Variants in SRRM2 observed in about 807,000 individuals in gnomAD.
SRRM2 encodes the protein serine/arginine repetitive matrix protein 2.
Under a neutral mutation model 213.8 loss-of-function variants are expected in SRRM2, and 30 were observed. The observed-to-expected ratio is 0.14, with a 90% CI of 0.10 to 0.19. The LOEUF (loss-of-function observed/expected upper bound fraction) is 0.19, where lower values mean the gene tolerates loss of function less well. SRRM2 is among the 10% of genes least tolerant of loss of function. The pLI, the probability that SRRM2 is intolerant of heterozygous loss-of-function variation, is 1.00. For synonymous variants in SRRM2, 2,025 were observed against 1,377.7 expected, an observed-to-expected ratio of 1.47 and a Z score of -10.40; for missense variants, 4,904 against 3,647.0, an observed-to-expected ratio of 1.34 and a Z score of -8.88.
chr16:2,762,585 C>A lies in SRRM2; in HGVS notation c.2057C>A (p.Pro686Gln), dbSNP rs1305811034. The A allele has an allele frequency of 6.2e-7, 1 of 1,614,158 alleles. No individual in the cohort carries two copies. Among genetic ancestry groups the A allele is most frequent in the Non-Finnish European group, 8.5e-7 (1 of 1,180,046 alleles). The part of the protein sequence containing the change: ...RRSGRSRSRT[P>Q]ARRGRSRSRT... ...AGTGGTCGCTCACGCTCCAGAACAC[C>A]AGCCAGGAGAGGGAGGTCTCGGTCT... The change falls in exon 11 of 15, where the codon CCA becomes CAA. Residue 686 changes from proline to glutamine, a missense_variant. Pro to Gln is a moderately conservative substitution (Grantham distance 76). Coordinates refer to ENST00000301740, the MANE Select transcript of SRRM2 (RefSeq NM_016333.4).
Position 2,757,694 on chromosome 16 carries a change from C to T in SRRM2, c.351-87C>T. ...CCTGCTTTCGTCTGCCTTTCCCATG[C>T]CTTATTTGGCTCCTGCTTATACTTG... On this transcript the variant is annotated intron_variant, in intron 3 of 14. Coordinates refer to ENST00000301740, the MANE Select transcript of SRRM2 (RefSeq NM_016333.4). 16 of 1,583,424 alleles carry T rather than the reference C, an allele frequency of 1.0e-5. No individual in the cohort carries two copies. The South Asian group carries it at 1.7e-4, about 17-fold the overall frequency.
chr16:2,766,975 G>T lies in SRRM2; in HGVS notation c.6447G>T (p.Leu2149=). The change falls in exon 11 of 15, where the codon CTG becomes CTT. Residue 2149 remains leucine (L), a synonymous_variant. Transcript: ENST00000301740. The surrounding 1 kb of genome is among the most constrained non-coding windows in gnomAD (Gnocchi z 7.0). ...LGSSRTPMSV[L]QQAGGSMMDG... is the part of the protein sequence containing the mutation. The stretch of plus-strand genomic sequence containing the variant: ...GCTCTAGAACACCCATGTCTGTCCT[G>T]CAGCAAGCCGGCGGCTCCATGATGG... 6.2e-7 allele frequency: 1 copy of T among 1,614,108 alleles called. No homozygotes were observed. The highest frequency in any genetic ancestry group is 8.5e-7 in the Non-Finnish European group (1 of 1,180,022).
chr16:2,765,021 G>A lies in SRRM2; in HGVS notation c.4493G>A (p.Arg1498His), dbSNP rs151214324. Residue 1498 changes from arginine to histidine, a missense_variant, in exon 11 of 15, where the codon CGT (arginine) becomes CAT (histidine). Arg to His is a conservative substitution (Grantham distance 29). Coordinates refer to ENST00000301740, the MANE Select transcript of SRRM2 (RefSeq NM_016333.4). ...CCTCAGACTCCTAGGCCGAGGAGTC[G>A]TTCTCCATCATCCCCAGAGCTCAAC... ...ALPQTPRPRS[R>H]SPSSPELNNK... is the part of the protein sequence containing the mutation. The A allele has an allele frequency of 1.8e-5, 29 of 1,613,800 alleles. No homozygotes were observed. Among genetic ancestry groups the A allele is most frequent in the African/African-American group, 2.7e-5 (2 of 74,884 alleles).
At position 2,768,135 on chromosome 16, in the gene SRRM2, C is replaced by T. The variant is rs150162425; in HGVS notation, c.7607C>T (p.Ser2536Leu). Residue 2536 changes from serine (S) to leucine (L), a missense_variant, in exon 11 of 15, where the codon TCG becomes TTG. Transcript: ENST00000301740. ...PAKERRSSSS[S>L]SSSSSSSSSS... ...AAGGAGCGGCGGAGTTCCTCCTCGT[C>T]GTCGTCGTCCTCTAGCTCCTCCTCT... 16 of 1,613,584 alleles carry T rather than the reference C, an allele frequency of 9.9e-6. No individual in the cohort carries two copies. The highest frequency in any genetic ancestry group is 1.4e-5 in the Non-Finnish European group (16 of 1,179,700).
In SRRM2 at chr16:2,770,140, A is replaced by G. The variant is rs766549094; in HGVS notation, c.8022-212A>G. 2.1e-4 allele frequency: 293 copies of G among 1,427,796 alleles called. 1 individual carries two copies. Among genetic ancestry groups the G allele is most frequent in the South Asian group, 8.3e-4 (55 of 66,034 alleles). 88.4% of individuals were successfully genotyped at this position (1,427,796 alleles called of 1,614,324 possible). ...TCCTTCAAGGGCAGGGACTGTCTTT[A>G]TCTTTGCATCCCCCGCTGCACCCTG... On this transcript the variant is annotated intron_variant, in intron 12 of 14. Coordinates refer to ENST00000301740, the MANE Select transcript of SRRM2 (RefSeq NM_016333.4).
chr16:2,759,164 T>A lies in SRRM2; in HGVS notation c.681T>A (p.Arg227=), dbSNP rs773484091. Residue 227 remains arginine (R), a synonymous_variant, in exon 7 of 15, where the codon CGT becomes CGA. Transcript: ENST00000301740. ...GGTCAGAATCTGAGTCCAAGAAACGTAAGCATAGGTAAGAGCTCTTTAACT... is the reference window on the plus strand; with the variant it reads ...GGTCAGAATCTGAGTCCAAGAAACGAAAGCATAGGTAAGAGCTCTTTAACT... ...KHRSESESKK[R]KHRSPTPKSK... 47 of 1,614,038 alleles carry A rather than the reference T, an allele frequency of 2.9e-5. 1 individual carries two copies. The Admixed American group carries it at 7.5e-4, about 26-fold the overall frequency.
In SRRM2 at chr16:2,765,831, G is replaced by A. The variant is rs766654668; in HGVS notation, c.5303G>A (p.Arg1768His). Residue 1768 changes from arginine (R) to histidine (H), a missense_variant, in exon 11 of 15, where the codon CGT becomes CAT. Transcript: ENST00000301740. ...GGCCGCTCTCCTTCGCCAAAGCCTC[G>A]TGGACTCCAGAGGTCCCGTTCCCGC... The part of the protein sequence containing the change: ...RRGRSPSPKP[R>H]GLQRSRSRSR... The A allele has an allele frequency of 2.4e-5, 39 of 1,614,068 alleles. No individual in the cohort carries two copies. The Admixed American group carries it at 3.2e-4, about 13-fold the overall frequency.
rs766542259 is a variant in SRRM2, at chr16:2,762,360, G to A, written c.1832G>A (p.Arg611Gln). 8.1e-6 allele frequency: 13 copies of A among 1,611,988 alleles called. No homozygotes were observed. The highest frequency in any genetic ancestry group is 1.6e-4 in the Middle Eastern group (1 of 6,084). Reference sequence around the variant, plus strand: ...AGGTCTCGGTCTAGAACACCAGCCCGGAGGGGCAGGTCTCGGTCTAGAACA... The same window carrying A: ...AGGTCTCGGTCTAGAACACCAGCCCAGAGGGGCAGGTCTCGGTCTAGAACA... ...RRRSRSRTPA[R>Q]RGRSRSRTPA... Residue 611 changes from arginine to glutamine, a missense_variant, in exon 11 of 15, where the codon CGG becomes CAG. By Grantham distance (43) the Arg-to-Gln change is conservative (BLOSUM62 1). Transcript: ENST00000301740.
intron 1 of SRRM2, among the ~76,000 whole-genome samples, chr16:2,754,680 T>G (rs1003007846): frequency 1.3e-5 from 2 of 152,014 alleles, no homozygotes; most frequent in Non-Finnish European, 2.9e-5. Flanking sequence ...TAAGTGCAGG[T>G]CAAAAACATG....
chr16:2,760,701 A>G (rs147535681), intron 10 of SRRM2: 5 of 590,576 alleles, frequency 8.5e-6, no homozygotes, highest in South Asian at 2.1e-5. Context: ...TTTAGAATCA[A>G]ATCTCACTGG....
At chr16:2,757,664 TC>T in intron 3 of SRRM2, 85 bp downstream of exon 3, 1 of 1,579,646 alleles carries the variant, frequency 6.3e-7, no homozygotes, top group Non-Finnish European at 8.6e-7. Context: ...ACGTGGGACT[TC>T]CTCCCTGCTT....
At chr16:2,758,091 A>C (rs961390867) in intron 4 of SRRM2, 146 bp downstream of exon 4, 2 of 975,714 alleles carry the variant, frequency 2.0e-6, no homozygotes, top group Non-Finnish European at 1.5e-6. Context: ...AATGTGTCCA[A>C]GGGTTAGTCA....
rs763904748 is a variant in SRRM2 at position 2,766,471 on chromosome 16, A to G, written c.5943A>G (p.Arg1981=). The G allele has an allele frequency of 7.4e-6, 12 of 1,613,992 alleles. No individual in the cohort carries two copies. Among genetic ancestry groups the G allele is most frequent in the Non-Finnish European group, 8.5e-6 (10 of 1,179,932 alleles). ...GAACTTCGCCTATCACTCGCAGAAGATCAAGATCCAGAACATCTCCGGTCA... is the reference window on the plus strand; with the variant it reads ...GAACTTCGCCTATCACTCGCAGAAGGTCAAGATCCAGAACATCTCCGGTCA... The part of the protein sequence containing the change: ...RSRTSPITRR[R]SRSRTSPVTR... The change falls in exon 11 of 15, where the codon AGA becomes AGG. Residue 1981 remains arginine, a synonymous_variant. Coordinates refer to ENST00000301740, the MANE Select transcript of SRRM2 (RefSeq NM_016333.4). This position sits in a 1 kb window ranked among gnomAD's most constrained non-coding sequence, Gnocchi z 7.0.
Position 2,764,773 on chromosome 16 carries a change from G to A in SRRM2, c.4245G>A (p.Ser1415=), listed in dbSNP as rs145082336. The change falls in exon 11 of 15, where the codon TCG becomes TCA. Residue 1415 remains serine, a synonymous_variant. Coordinates refer to ENST00000301740, the MANE Select transcript of SRRM2 (RefSeq NM_016333.4). Reference sequence around the variant, plus strand: ...TTGATGCTGTACCCAGAACACCCTCGAGAGAAAGAAGTAGTTCTGCATCTT... The same window carrying A: ...TTGATGCTGTACCCAGAACACCCTCAAGAGAAAGAAGTAGTTCTGCATCTT... The part of the protein sequence containing the change: ...PVLDAVPRTP[S]RERSSSASSP... 3.6e-4 allele frequency: 586 copies of A among 1,614,122 alleles called. 1 individual carries two copies. The highest frequency in any genetic ancestry group is 1.6e-3 in the Middle Eastern group (10 of 6,062).
At position 2,767,170 on chromosome 16, in the gene SRRM2, G is replaced by A. The variant is rs372729956; in HGVS notation, c.6642G>A (p.Pro2214=). ...CAAGAATGTCCCAGGTTCCAGCCCCGGTGCCTCTCATGAGTCTCAGAACCG... is the reference window on the plus strand; with the variant it reads ...CAAGAATGTCCCAGGTTCCAGCCCCAGTGCCTCTCATGAGTCTCAGAACCG... ...LAARMSQVPA[P]VPLMSLRTAP... is the part of the protein sequence containing the mutation. Residue 2214 remains proline (P), a synonymous_variant, in exon 11 of 15, where the codon CCG becomes CCA. Coordinates refer to ENST00000301740, the MANE Select transcript of SRRM2 (RefSeq NM_016333.4). 42 of 1,613,998 alleles carry A rather than the reference G, an allele frequency of 2.6e-5. No homozygotes were observed. Among genetic ancestry groups the A allele is most frequent in the Middle Eastern group, 3.3e-4 (2 of 6,084 alleles).
chr16:2,768,845 G>C (rs1271577943), intron 11 of SRRM2, 152 bp from the exon 12 acceptor site: 2 of 1,494,838 alleles, frequency 1.3e-6, no homozygotes, highest in Admixed American at 2.0e-5. Flanking sequence ...TCGCACCACT[G>C]CTCTCCAGAG....
chr16:2,765,022 T>G lies in SRRM2; in HGVS notation c.4494T>G (p.Arg1498=), dbSNP rs1170333395. 1.9e-6 allele frequency: 3 copies of G among 1,613,980 alleles called. No homozygotes were observed. The African/African-American group carries it at 4.0e-5, about 22-fold the overall frequency. ...CTCAGACTCCTAGGCCGAGGAGTCGTTCTCCATCATCCCCAGAGCTCAACA... is the reference window on the plus strand; with the variant it reads ...CTCAGACTCCTAGGCCGAGGAGTCGGTCTCCATCATCCCCAGAGCTCAACA... ...ALPQTPRPRS[R]SPSSPELNNK... The change falls in exon 11 of 15, where the codon CGT becomes CGG. Residue 1498 remains arginine, a synonymous_variant. Transcript: ENST00000301740.
intron 2 of SRRM2, 72 bp downstream of exon 2, chr16:2,756,678 G>A (rs2068153389): frequency 1.3e-6 from 2 of 1,528,344 alleles, no homozygotes; most frequent in South Asian, 1.3e-5. Flanking sequence ...GGATGTATAG[G>A]GAGCTTAGGG....
intron 2 of SRRM2, 66 bp from the exon 3 acceptor site, chr16:2,757,406 A>T: frequency 4.0e-6 from 6 of 1,492,048 alleles, no homozygotes; most frequent in Non-Finnish European, 5.6e-6. Context: ...GGAATGAGGG[A>T]AATGGAAACC....
Sources: gnomAD v4.1 joint callset for allele counts (sites outside exome capture counted in the v4.1 genomes callset) on GRCh38, gnomAD v4.1.1 for gene constraint, Gnocchi (gnomAD v3.1) non-coding constraint, MANE v1.5 for transcripts, NCBI Gene and HGNC (gene_info 2026-07-23, HGNC 2026-07-21) for gene names.